Variants in GUF1 observed in about 807,000 individuals in gnomAD.
The protein encoded by GUF1 is translation factor GUF1, mitochondrial.
Under a neutral mutation model 82.4 loss-of-function variants are expected in GUF1, and 78 were observed. That is an observed-to-expected ratio of 0.95 (90% CI 0.79 to 1.14). The LOEUF is 1.14. Ranked by LOEUF, GUF1 falls within the 50% of genes most tolerant of loss-of-function variation. The pLI is 0.00. For synonymous variants in GUF1, 279 were observed against 282.3 expected (o/e 0.99, Z 0.12); for missense variants, 814 against 798.2 (o/e 1.02, Z -0.24).
chr4:44,690,962 A>G lies in GUF1; in HGVS notation c.1479+102A>G, dbSNP rs1715401994. ...AGATTTCTTTCTGCTGAGCATACTG[A>G]ATTTAATGAGATTTTCATATATATA... On this transcript the variant is annotated intron_variant, in intron 12 of 16. Coordinates refer to ENST00000281543, the MANE Select transcript of GUF1 (RefSeq NM_021927.3). 8.1e-6 allele frequency: 6 copies of G among 736,654 alleles called. No individual in the cohort carries two copies. In the South Asian group the frequency reaches 1.3e-4, roughly 16 times the overall value. 45.6% of individuals were successfully genotyped at this position (736,654 alleles called of 1,614,324 possible).
chr4:44,691,672 A>G lies in GUF1; in HGVS notation c.1486A>G (p.Arg496Gly). The part of the protein sequence containing the change: ...GKIMMLCEAR[R>G]AVQKNMIFID... ...TTCTTCCTTCCCTTTTTAGGCTCGA[A>G]GAGCAGTTCAGAAGAATATGATATT... is the stretch of plus-strand genomic sequence containing the variant. Residue 496 changes from arginine to glycine, a missense_variant, in exon 13 of 17, where the codon AGA becomes GGA. Arg to Gly is a moderately radical substitution (Grantham distance 125, BLOSUM62 -2). Coordinates refer to ENST00000281543, the MANE Select transcript of GUF1 (RefSeq NM_021927.3). The G allele has an allele frequency of 6.3e-7, 1 of 1,586,752 alleles. No individual in the cohort carries two copies. The highest frequency in any genetic ancestry group is 2.3e-5 in the East Asian group (1 of 43,888).
intron 15 of GUF1, 58 bp downstream of exon 15, chr4:44,695,792 G>C: frequency 1.3e-6 from 2 of 1,533,724 alleles, no homozygotes; most frequent in Non-Finnish European, 1.8e-6. Context: ...TACCTAAAAA[G>C]TGAAAGAATA....
intron 10 of GUF1, 21 bp from the exon 11 acceptor site, chr4:44,689,822 G>A: frequency 6.3e-7 from 1 of 1,581,696 alleles, no homozygotes; most frequent in Non-Finnish European, 8.6e-7. Flanking sequence ...ACATTTTGGA[G>A]TTTGTCTTTT....
chr4:44,691,369 T>C (rs1715431556), intron 12 of GUF1, among the ~76,000 whole-genome samples: 2 of 151,774 alleles, frequency 1.3e-5, no homozygotes, highest in Non-Finnish European at 3.0e-5. Flanking sequence ...ATCTTGGTCT[T>C]AACTTTTAAT....
chr4:44,682,440 A>C, intron 5 of GUF1, 29 bp downstream of exon 5: 1 of 1,169,024 alleles, frequency 8.6e-7, no homozygotes, highest in Non-Finnish European at 1.2e-6. Context: ...CAGTGTTGCT[A>C]TTTCACTTTC....
At position 44,688,133 on chromosome 4, in the gene GUF1, A is replaced by G; in HGVS notation, c.1065A>G (p.Pro355=). The G allele has an allele frequency of 6.2e-7, 1 of 1,611,180 alleles. No homozygotes were observed. Among genetic ancestry groups the G allele is most frequent in the Non-Finnish European group, 8.5e-7 (1 of 1,178,122 alleles). Residue 355 remains proline, a synonymous_variant, in exon 9 of 17, where the codon CCA becomes CCG. Coordinates refer to ENST00000281543, the MANE Select transcript of GUF1 (RefSeq NM_021927.3). The part of the protein sequence containing the change: ...EPLPGFKSAK[P]MVFAGMYPLD... ...TGCCTGGGTTTAAATCAGCGAAACC[A>G]ATGGTATTTGCAGGTGAGGAGTTCA...
intron 11 of GUF1, 107 bp downstream of exon 11, chr4:44,690,082 G>A (rs1715338261): frequency 1.4e-6 from 1 of 692,906 alleles, no homozygotes; most frequent in East Asian, 3.1e-5. Flanking sequence ...TATACCAATA[G>A]CTGATTAAGT....
intron 7 of GUF1, 104 bp downstream of exon 7, chr4:44,686,127 T>C (rs1715035848): frequency 5.1e-6 from 4 of 784,518 alleles, no homozygotes; most frequent in Non-Finnish European, 6.4e-6. Flanking sequence ...TTATTTTAGC[T>C]TAATGGATGT....
At position 44,682,422 on chromosome 4, in the gene GUF1, T is replaced by C. The variant is rs766412436; in HGVS notation, c.585+11T>C. On this transcript the variant is annotated intron_variant, in intron 5 of 16. Transcript: ENST00000281543. ...CCAGTTATAAATAAGGTAATTACAA[T>C]GAGACAACAGTGTTGCTATTTCACT... 1 of 1,427,370 alleles carries C rather than the reference T, an allele frequency of 7.0e-7. No individual in the cohort carries two copies. Among genetic ancestry groups the C allele is most frequent in the South Asian group, 1.4e-5 (1 of 71,742 alleles). 88.4% of individuals were successfully genotyped at this position (1,427,370 alleles called of 1,614,324 possible).
At chr4:44,693,560 T>A (rs1416983439) in intron 13 of GUF1, among the ~76,000 whole-genome samples, 2 of 152,096 alleles carry the variant, frequency 1.3e-5, no homozygotes, top group East Asian at 1.9e-4. Flanking sequence ...TAGAGTGTAT[T>A]ATTGTCACTT....
rs1249320923 is a variant in GUF1 at position 44,699,926 on chromosome 4, AGAG to A, written c.*1246_*1248del. 1 of 152,248 alleles carries A rather than the reference AGAG, an allele frequency of 6.6e-6. No individual in the cohort carries two copies. The highest frequency in any genetic ancestry group is 1.5e-5 in the Non-Finnish European group (1 of 68,046). 9.4% of individuals were successfully genotyped at this position (152,248 alleles called of 1,614,324 possible). A position where few individuals can be genotyped will look rare whatever the true frequency, so the allele number is the denominator to read the frequency against. On this transcript the variant is annotated 3_prime_UTR_variant, in exon 17 of 17. Coordinates refer to ENST00000281543, the MANE Select transcript of GUF1 (RefSeq NM_021927.3). ...TAAATTTCATAATCGAAGCGATTTT[AGAG>A]TAGTTAACTTGAGATTTCACAGCCA...
intron 11 of GUF1, 122 bp from the exon 12 acceptor site, chr4:44,690,591 TTTAC>T: frequency 1.8e-6 from 1 of 542,876 alleles, no homozygotes; most frequent in East Asian, 3.0e-5. Context: ...GAATATATTG[TTTAC>T]TAATACTTGT....
intron 15 of GUF1, among the ~76,000 whole-genome samples, chr4:44,696,812 C>A (rs1396658414): frequency 6.6e-6 from 1 of 152,152 alleles, no homozygotes; most frequent in Admixed American, 6.5e-5. Context: ...AGCAATTGCT[C>A]ATTCTAAAAT....
At chr4:44,695,474 G>A in intron 14 of GUF1, 141 bp from the exon 15 acceptor site, 3 of 479,324 alleles carry the variant, frequency 6.3e-6, no homozygotes, top group Non-Finnish European at 7.0e-6. Context: ...TCATGATTCA[G>A]AGAGTAAGAG....
chr4:44,697,532 G>T (rs1715912190), intron 16 of GUF1, 88 bp downstream of exon 16: 1 of 639,008 alleles, frequency 1.6e-6, no homozygotes, highest in African/African-American at 1.9e-5. Context: ...TCCATTGTTG[G>T]TTTTTATACA....
chr4:44,678,644 G>A lies in GUF1; in HGVS notation c.22G>A (p.Gly8Ser), dbSNP rs755979354. 2.0e-6 allele frequency: 3 copies of A among 1,482,352 alleles called. No homozygotes were observed. The highest frequency in any genetic ancestry group is 2.9e-5 in the South Asian group (2 of 68,160). 91.8% of individuals were successfully genotyped at this position (1,482,352 alleles called of 1,614,324 possible). A position where few individuals can be genotyped will look rare whatever the true frequency, so the allele number is the denominator to read the frequency against. MWTLVGR[G>S]WGCARALAPR... ...GGTCATGTGGACCCTCGTGGGTCGG[G>A]GCTGGGGGTGCGCACGCGCTCTCGC... is the stretch of plus-strand genomic sequence containing the variant. The change falls in exon 1 of 17, where the codon GGC becomes AGC. Residue 8 changes from glycine (G) to serine (S), a missense_variant. By Grantham distance (56) the Gly-to-Ser change is moderately conservative (BLOSUM62 0). Transcript: ENST00000281543.
intron 6 of GUF1, among the ~76,000 whole-genome samples, chr4:44,684,683 A>G (rs1714951145): frequency 6.6e-6 from 1 of 152,130 alleles, no homozygotes; most frequent in Non-Finnish European, 1.5e-5. Context: ...TCCAGGAGGA[A>G]ACAATATACA....
At chr4:44,689,752 C>A in intron 10 of GUF1, 91 bp from the exon 11 acceptor site, 1 of 1,046,658 alleles carries the variant, frequency 9.6e-7, no homozygotes, top group East Asian at 2.6e-5. Context: ...AATTCCATCC[C>A]TCCCTTAAAG....
rs1013290756 is a variant in GUF1 at position 44,700,609 on chromosome 4, A to C, written c.*1928A>C. 1 of 152,240 alleles carries C rather than the reference A, an allele frequency of 6.6e-6. No individual in the cohort carries two copies. Among genetic ancestry groups the C allele is most frequent in the Admixed American group, 6.5e-5 (1 of 15,278 alleles). The allele number at this position is 152,240 out of a possible 1,614,324, so 9.4% of individuals were successfully genotyped here. The stretch of plus-strand genomic sequence containing the variant: ...GCTGTGCCCCAACCACCTTGGGCAC[A>C]TGTGGTGAGGACCTCCTGAGGCTGT... On this transcript the variant is annotated 3_prime_UTR_variant, in exon 17 of 17. Transcript: ENST00000281543.
Sources: gnomAD v4.1 joint callset for allele counts (sites outside exome capture counted in the v4.1 genomes callset) on GRCh38, gnomAD v4.1.1 for gene constraint, MANE v1.5 for transcripts, NCBI Gene and HGNC (gene_info 2026-07-23, HGNC 2026-07-21) for gene names.